Variants in GUF1 observed in about 807,000 individuals in gnomAD.
GUF1 encodes translation factor GUF1, mitochondrial.
GUF1 carries 78 observed loss-of-function variants against 82.4 expected under a neutral mutation model. The ratio of observed to expected loss-of-function variants is 0.95; its 90% CI spans 0.79 to 1.14. GUF1 has a LOEUF of 1.14. Among genes scored for constraint, GUF1 ranks in the 50% most tolerant of loss-of-function variants. The probability of loss-of-function intolerance (pLI) is 0.00; values close to 1 mark genes in which losing one functional copy is unlikely to be tolerated. For synonymous variants in GUF1, 279 were observed against 282.3 expected, an observed-to-expected ratio of 0.99 and a Z score of 0.12; for missense variants, 814 against 798.2, an observed-to-expected ratio of 1.02 and a Z score of -0.24.
Position 44,681,049 on chromosome 4 carries a change from C to A in GUF1, c.427-74C>A, listed in dbSNP as rs1470427116. ...TTTAACAGCTTTTATCAAGTAAAGT[C>A]AATAAATTTGCCATAATGCTCTTTC... On this transcript the variant is annotated intron_variant, in intron 3 of 16. Transcript: ENST00000281543. 6 of 1,322,850 alleles carry A rather than the reference C, an allele frequency of 4.5e-6. No homozygotes were observed. In the Admixed American group the frequency reaches 8.7e-5, roughly 19 times the overall value. 81.9% of individuals were successfully genotyped at this position (1,322,850 alleles called of 1,614,324 possible).
At chr4:44,696,215 T>G (rs898730624) in intron 15 of GUF1, among the ~76,000 whole-genome samples, 1 of 152,198 alleles carries the variant, frequency 6.6e-6, no homozygotes, top group Admixed American at 6.5e-5. Context: ...ATTTGCATTC[T>G]AGATTAGGGA....
rs577666645 is a variant in GUF1 at position 44,688,012 on chromosome 4, C to T, written c.944C>T (p.Ala315Val). Residue 315 changes from alanine to valine, a missense_variant, in exon 9 of 17, where the codon GCA becomes GTA. Coordinates refer to ENST00000281543, the MANE Select transcript of GUF1 (RefSeq NM_021927.3). Reference sequence around the variant, plus strand: ...CATATAATAATTTTATTTAGATATGCAGGACAGGTGGGCTATCTGATTGCT... The same window carrying T: ...CATATAATAATTTTATTTAGATATGTAGGACAGGTGGGCTATCTGATTGCT... Reference protein sequence around the residue: ...PNEQPTHKLYAGQVGYLIAGM... With the variant: ...PNEQPTHKLYVGQVGYLIAGM... The T allele has an allele frequency of 4.3e-6, 7 of 1,610,224 alleles. No individual in the cohort carries two copies. The East Asian group carries it at 1.6e-4, about 36-fold the overall frequency.
In GUF1 at chr4:44,681,158, A is replaced by T. The variant is rs1714750751; in HGVS notation, c.462A>T (p.Ser154=). The part of the protein sequence containing the change: ...HVDFSYEVSR[S]LSACQGVLLV... ...ATTTTAGTTATGAAGTATCCAGGTC[A>T]CTTTCTGCTTGCCAGGGTGTTTTAC... The change falls in exon 4 of 17, where the codon TCA becomes TCT. Residue 154 remains serine, a synonymous_variant. Coordinates refer to ENST00000281543, the MANE Select transcript of GUF1 (RefSeq NM_021927.3). 1 of 1,613,110 alleles carries T rather than the reference A, an allele frequency of 6.2e-7. No homozygotes were observed. Among genetic ancestry groups the T allele is most frequent in the African/African-American group, 1.3e-5 (1 of 74,864 alleles).
In GUF1 at chr4:44,682,411, G is replaced by T; in HGVS notation, c.585G>T (p.Lys195Asn). The T allele has an allele frequency of 6.7e-7, 1 of 1,482,398 alleles. No homozygotes were observed. Among genetic ancestry groups the T allele is most frequent in the Non-Finnish European group, 9.0e-7 (1 of 1,106,896 alleles). The allele number at this position is 1,482,398 out of a possible 1,614,324, so 91.8% of individuals were successfully genotyped here. A position where few individuals can be genotyped will look rare whatever the true frequency, so the allele number is the denominator to read the frequency against. The change falls in exon 5 of 17, where the codon AAG (lysine) becomes AAT (asparagine). Residue 195 changes from lysine to asparagine, a missense_variant and splice_region_variant. Physicochemically the swap from Lys to Asn is moderately conservative, Grantham distance 94. Coordinates refer to ENST00000281543, the MANE Select transcript of GUF1 (RefSeq NM_021927.3). ...AQLSVIPVIN[K>N]IDLKNADPER... is the part of the protein sequence containing the mutation. ...TATCGGTAATTCCAGTTATAAATAA[G>T]GTAATTACAATGAGACAACAGTGTT...
At chr4:44,688,772 G>T (rs1234906785) in intron 9 of GUF1, among the ~76,000 whole-genome samples, 1 of 151,874 alleles carries the variant, frequency 6.6e-6, no homozygotes, top group African/African-American at 2.4e-5. Flanking sequence ...GACTTCAGAG[G>T]TGTCAGATGA....
Position 44,678,599 on chromosome 4 carries a change from C to A in GUF1, c.-24C>A. 1 of 1,443,336 alleles carries A rather than the reference C, an allele frequency of 6.9e-7. No homozygotes were observed. The highest frequency in any genetic ancestry group is 2.8e-5 in the East Asian group (1 of 36,228). 89.4% of individuals were successfully genotyped at this position (1,443,336 alleles called of 1,614,324 possible). ...CTGCTGTTGCGTGTGGGTACCCTCT[C>A]CTGACGCCTCCGCCGCCCGGGTCAT... On this transcript the variant is annotated 5_prime_UTR_variant, in exon 1 of 17. Coordinates refer to ENST00000281543, the MANE Select transcript of GUF1 (RefSeq NM_021927.3).
chr4:44,694,556 T>C (rs1057247036), intron 14 of GUF1, 43 bp downstream of exon 14: 2 of 1,167,550 alleles, frequency 1.7e-6, no homozygotes. Flanking sequence ...AAAATACTTT[T>C]GATATGTTTT....
intron 6 of GUF1, among the ~76,000 whole-genome samples, chr4:44,685,261 G>A (rs551197364): frequency 6.6e-6 from 1 of 152,248 alleles, no homozygotes; most frequent in African/African-American, 2.4e-5. Context: ...GATGCTACCA[G>A]CATCTTGTGG....
At position 44,682,316 on chromosome 4, in the gene GUF1, G is replaced by T; in HGVS notation, c.508-18G>T. 1 of 1,443,604 alleles carries T rather than the reference G, an allele frequency of 6.9e-7. No homozygotes were observed. Among genetic ancestry groups the T allele is most frequent in the African/African-American group, 1.5e-5 (1 of 68,694 alleles). The allele number at this position is 1,443,604 out of a possible 1,614,324, so 89.4% of individuals were successfully genotyped here. The stretch of plus-strand genomic sequence containing the variant: ...AATAGAATGGTCATCTCAGTATCTT[G>T]TATCTTGATATTTTCAGGGAATTCA... On this transcript the variant is annotated intron_variant, in intron 4 of 16. Transcript: ENST00000281543.
In GUF1 at chr4:44,689,982, G is replaced by A. The variant is rs1560345557; in HGVS notation, c.1335+7G>A. On this transcript the variant is annotated splice_region_variant and intron_variant, in intron 11 of 16. Coordinates refer to ENST00000281543, the MANE Select transcript of GUF1 (RefSeq NM_021927.3). Reference sequence around the variant, plus strand: ...ATCATCAAAATTGATAAAGGTACTTGGTATTTAGTACTGGTATTTAGTACT... The same window carrying A: ...ATCATCAAAATTGATAAAGGTACTTAGTATTTAGTACTGGTATTTAGTACT... The A allele has an allele frequency of 1.3e-6, 2 of 1,562,916 alleles. No homozygotes were observed. Among genetic ancestry groups the A allele is most frequent in the Non-Finnish European group, 1.7e-6 (2 of 1,148,796 alleles).
At chr4:44,695,528 C>T (rs1715752312) in intron 14 of GUF1, 87 bp from the exon 15 acceptor site, 1 of 1,161,622 alleles carries the variant, frequency 8.6e-7, no homozygotes, top group Non-Finnish European at 1.2e-6. Context: ...AAGAGATCAC[C>T]TTTACACTGA....
intron 12 of GUF1, among the ~76,000 whole-genome samples, chr4:44,691,410 A>G (rs1380233741): frequency 1.3e-5 from 2 of 151,782 alleles, no homozygotes; most frequent in Non-Finnish European, 3.0e-5. Flanking sequence ...GTAAAACAAG[A>G]AATTAGGACT....
chr4:44,687,982 A>C (rs1180704368), intron 8 of GUF1, 25 bp from the exon 9 acceptor site: 1 of 1,596,718 alleles, frequency 6.3e-7, no homozygotes, highest in Non-Finnish European at 8.6e-7. Flanking sequence ...AGCAGTAAAT[A>C]TTTGCATATA....
At position 44,689,405 on chromosome 4, in the gene GUF1, T is replaced by C; in HGVS notation, c.1198T>C (p.Trp400Arg). 6.2e-7 allele frequency: 1 copy of C among 1,603,474 alleles called. No individual in the cohort carries two copies. Among genetic ancestry groups the C allele is most frequent in the Non-Finnish European group, 8.5e-7 (1 of 1,174,396 alleles). Reference sequence around the variant, plus strand: ...TAGTAGCCTTGCTCTGGGTGCTGGCTGGAGGTAAGATTCATTCACATGTGT... The same window carrying C: ...TAGTAGCCTTGCTCTGGGTGCTGGCCGGAGGTAAGATTCATTCACATGTGT... ...RDSSLALGAG[W>R]RLGFLGLLHM... Residue 400 changes from tryptophan (W) to arginine (R), a missense_variant, in exon 10 of 17, where the codon TGG becomes CGG. Trp to Arg is a moderately radical substitution (Grantham distance 101). Transcript: ENST00000281543.
chr4:44,689,744 T>C (rs1577772979), intron 10 of GUF1, 99 bp from the exon 11 acceptor site: 1 of 994,200 alleles, frequency 1.0e-6, no homozygotes, highest in East Asian at 2.5e-5. Context: ...AATGACTTAA[T>C]TCCATCCCTC....
chr4:44,680,608 T>TA lies in GUF1; in HGVS notation c.277+56_277+57insA, dbSNP rs1243971617. 36 of 1,444,928 alleles carry TA rather than the reference T, an allele frequency of 2.5e-5. No individual in the cohort carries two copies. The Admixed American group carries it at 8.0e-4, about 32-fold the overall frequency. The allele number at this position is 1,444,928 out of a possible 1,614,324, so 89.5% of individuals were successfully genotyped here. A position where few individuals can be genotyped will look rare whatever the true frequency, so the allele number is the denominator to read the frequency against. On this transcript the variant is annotated intron_variant, in intron 2 of 16. Coordinates refer to ENST00000281543, the MANE Select transcript of GUF1 (RefSeq NM_021927.3). ...TGGCTGCGAGTTATTGGGAATTACTTTTACTCTTAAATTTTAATTTTATAA... is the reference window on the plus strand; with the variant it reads ...TGGCTGCGAGTTATTGGGAATTACTTATTACTCTTAAATTTTAATTTTATAA...
intron 6 of GUF1, 35 bp downstream of exon 6, chr4:44,683,353 A>AAC: frequency 4.8e-6 from 6 of 1,259,018 alleles, no homozygotes; most frequent in Non-Finnish European, 6.6e-6. Flanking sequence ...ATACTTTGAA[A>AAC]AAAGTCTCAA....
intron 16 of GUF1, among the ~76,000 whole-genome samples, 184 bp downstream of exon 16, chr4:44,697,628 AT>A (rs1363870438): frequency 6.6e-6 from 1 of 151,916 alleles, no homozygotes. Flanking sequence ...TCTTTTAAGT[AT>A]TTTTTCATCT....
intron 13 of GUF1, chr4:44,694,206 C>T (rs1715629591): frequency 2.0e-6 from 1 of 489,866 alleles, no homozygotes; most frequent in Non-Finnish European, 3.6e-6. Flanking sequence ...ACATATTCCC[C>T]TTGCTTTTGC....
Sources: allele counts gnomAD v4.1 joint callset (sites outside exome capture counted in the v4.1 genomes callset), GRCh38; gene constraint gnomAD v4.1.1; transcripts MANE v1.5; gene names NCBI Gene and HGNC (gene_info 2026-07-23, HGNC 2026-07-21).